Variants in NTM observed in about 807,000 individuals in gnomAD.
NTM encodes IgLON family member 2.
In NTM, 13 loss-of-function variants were observed where a neutral mutation model predicts 42.1. The ratio of observed to expected loss-of-function variants is 0.31; its 90% CI spans 0.20 to 0.49. NTM has a LOEUF of 0.49. Ranked by LOEUF, NTM falls within the 20% of genes least tolerant of loss-of-function variation. The pLI, the probability that NTM is intolerant of heterozygous loss-of-function variation, is 0.99. For missense variants in NTM, 373 were observed against 452.8 expected, an observed-to-expected ratio of 0.82 and a Z score of 1.60; for synonymous variants, 187 against 179.2, an observed-to-expected ratio of 1.04 and a Z score of -0.35.
intron 1 of NTM, among the ~76,000 whole-genome samples, chr11:131,874,194 A>T (rs976972055): frequency 1.3e-5 from 2 of 150,676 alleles, no homozygotes; most frequent in African/African-American, 4.9e-5. Flanking sequence ...TAGGTTGGGG[A>T]AAATGTGGCC....
intron 2 of NTM, among the ~76,000 whole-genome samples, chr11:131,956,119 A>G (rs1838492230): frequency 6.6e-6 from 1 of 152,190 alleles, no homozygotes; most frequent in Admixed American, 6.5e-5. Context: ...ACCTCTCTGC[A>G]AATGCCACAG....
chr11:131,805,620 C>T (rs1248678250), intron 1 of NTM, among the ~76,000 whole-genome samples: 1 of 152,208 alleles, frequency 6.6e-6, no homozygotes, highest in Non-Finnish European at 1.5e-5. Context: ...CTTATGATAG[C>T]ATCTGGAATA....
At chr11:132,286,108 A>G (rs1317753890) in intron 4 of NTM, among the ~76,000 whole-genome samples, 2 of 152,212 alleles carry the variant, frequency 1.3e-5, no homozygotes, top group Non-Finnish European at 2.9e-5. Context: ...TCTGTGAAAT[A>G]ATAACTTCTA....
intron 1 of NTM, among the ~76,000 whole-genome samples, chr11:131,704,357 G>A (rs1056937542): frequency 6.6e-6 from 1 of 152,152 alleles, no homozygotes; most frequent in Non-Finnish European, 1.5e-5. Flanking sequence ...GTAGACCCAA[G>A]TTCCAGGCTC....
chr11:131,683,086 C>A lies in NTM; in HGVS notation c.83-228478C>A, dbSNP rs118051251. Among the ~76,000 whole-genome samples, 533 of 152,304 alleles carry A rather than the reference C, an allele frequency of 3.5e-3. 23 individuals are homozygous for A. In the East Asian group the frequency reaches 0.089, roughly 25 times the overall value. On this transcript the variant is annotated intron_variant, in intron 1 of 8. Coordinates refer to ENST00000683400, the MANE Select transcript of NTM (RefSeq NM_001352005.2). ...TAACAACCCACAGTCATCTGCACAG[C>A]AATTATTATTCATTATAACTGAACT...
intron 1 of NTM, among the ~76,000 whole-genome samples, chr11:131,552,543 C>A (rs995221224): frequency 1.4e-5 from 2 of 147,130 alleles, no homozygotes; most frequent in Non-Finnish European, 3.0e-5. Context: ...AGGCCGAGCG[C>A]GGTGGCTCAC....
chr11:131,717,905 T>G (rs2077893127), intron 1 of NTM, among the ~76,000 whole-genome samples: 1 of 152,196 alleles, frequency 6.6e-6, no homozygotes, highest in Non-Finnish European at 1.5e-5. Flanking sequence ...GCTGAGAGGT[T>G]TATAAAAATT....
chr11:132,027,361 A>G (rs889019675), intron 2 of NTM, among the ~76,000 whole-genome samples: 8 of 152,204 alleles, frequency 5.3e-5, no homozygotes, highest in Non-Finnish European at 1.0e-4. Context: ...GTAGATCAGA[A>G]TTTCTTAACG....
intron 1 of NTM, among the ~76,000 whole-genome samples, chr11:131,509,299 G>A (rs384988): frequency 0.28 from 41,878 of 152,014 alleles, 5,995 homozygotes; most frequent in Middle Eastern, 0.39. Flanking sequence ...GTGCCACTCT[G>A]CATGGGCTCA....
intron 4 of NTM, among the ~76,000 whole-genome samples, chr11:132,250,528 C>T (rs2091819121): frequency 6.6e-6 from 1 of 151,980 alleles, no homozygotes; most frequent in African/African-American, 2.4e-5. Flanking sequence ...AGACAAGACC[C>T]CTCCCTCTGT....
rs1032955965 is a variant in NTM at position 132,315,090 on chromosome 11, T to A, written c.934+387T>A. 3.0e-6 allele frequency: 3 copies of A among 1,005,342 alleles called. No individual in the cohort carries two copies. In the African/African-American group the frequency reaches 5.2e-5, roughly 17 times the overall value. 62.3% of individuals were successfully genotyped at this position (1,005,342 alleles called of 1,614,324 possible). On this transcript the variant is annotated intron_variant, in intron 7 of 8. Coordinates refer to ENST00000683400, the MANE Select transcript of NTM (RefSeq NM_001352005.2). ...CAAAAATGACATTTGATTTTTTTTT[T>A]CTCAGTGATGATGGCTCCTAAGCTG...
chr11:132,069,715 C>T lies in NTM; in HGVS notation c.168-76567C>T, dbSNP rs546038250. On this transcript the variant is annotated intron_variant, in intron 2 of 8. Coordinates refer to ENST00000683400, the MANE Select transcript of NTM (RefSeq NM_001352005.2). ...AACACGTCACACAGCCAGGTTAACA[C>T]GTCACACTGACCATCACAGGTTAGT... is the stretch of plus-strand genomic sequence containing the variant. Among the ~76,000 whole-genome samples the T allele has an allele frequency of 1.9e-3, 286 of 151,178 alleles. 5 individuals are homozygous for T. The highest frequency in any genetic ancestry group is 4.3e-3 in the African/African-American group (177 of 40,782).
chr11:131,623,076 G>T (rs1329983330), intron 1 of NTM, among the ~76,000 whole-genome samples: 1 of 152,212 alleles, frequency 6.6e-6, no homozygotes, highest in East Asian at 1.9e-4. Context: ...ATCATGGGGT[G>T]CCCATAGACA....
intron 1 of NTM, among the ~76,000 whole-genome samples, chr11:131,399,362 A>T (rs562228324): frequency 1.3e-5 from 2 of 152,270 alleles, no homozygotes; most frequent in African/African-American, 4.8e-5. Flanking sequence ...TAATGTACAG[A>T]CTTCAGGGCT....
chr11:131,495,213 G>T (rs207472525), intron 1 of NTM, among the ~76,000 whole-genome samples: 1 of 152,128 alleles, frequency 6.6e-6, no homozygotes, highest in Non-Finnish European at 1.5e-5. Context: ...TCCCAGCATG[G>T]TCCCAGGGGA....
At chr11:132,166,387 C>T (rs2075285435) in intron 3 of NTM, among the ~76,000 whole-genome samples, 1 of 152,054 alleles carries the variant, frequency 6.6e-6, no homozygotes, top group South Asian at 2.1e-4. Flanking sequence ...ATGAATTAAC[C>T]ACAACACTGT....
At chr11:132,058,648 G>A (rs963621956) in intron 2 of NTM, among the ~76,000 whole-genome samples, 3 of 152,084 alleles carry the variant, frequency 2.0e-5, no homozygotes. Context: ...TATTTTGTGT[G>A]GGTTTGGCTG....
At position 131,491,725 on chromosome 11, in the gene NTM, T is replaced by C. The variant is rs193026827; in HGVS notation, c.82+120837T>C. ...CTGGGGAGGATAGGGAATCAGAGGATACCAGAGCGAGATAAGACAAGATGA... is the reference window on the plus strand; with the variant it reads ...CTGGGGAGGATAGGGAATCAGAGGACACCAGAGCGAGATAAGACAAGATGA... On this transcript the variant is annotated intron_variant, in intron 1 of 8. Coordinates refer to ENST00000683400, the MANE Select transcript of NTM (RefSeq NM_001352005.2). Among the ~76,000 whole-genome samples, 139 of 152,260 alleles carry C rather than the reference T, an allele frequency of 9.1e-4. 1 individual carries two copies. Among genetic ancestry groups the C allele is most frequent in the Middle Eastern group, 6.8e-3 (2 of 294 alleles).
intron 1 of NTM, among the ~76,000 whole-genome samples, chr11:131,479,342 T>G (rs1399799299): frequency 2.0e-5 from 3 of 152,026 alleles, no homozygotes; most frequent in Admixed American, 6.6e-5. Context: ...CAGAACCACA[T>G]GTATAAAATT....
Sources: allele counts gnomAD v4.1 joint callset (sites outside exome capture counted in the v4.1 genomes callset), GRCh38; gene constraint gnomAD v4.1.1; transcripts MANE v1.5; gene names NCBI Gene and HGNC (gene_info 2026-07-23, HGNC 2026-07-21).